The following ITPR1 variants were observed in gnomAD, a reference collection of about 807,000 sequenced individuals.
ITPR1 encodes the protein inositol 1,4,5-trisphosphate-gated calcium channel ITPR1.
A neutral mutation model predicts 318.4 loss-of-function variants in ITPR1; 96 were observed. The observed-to-expected ratio is 0.30, with a 90% CI of 0.26 to 0.36. The LOEUF (loss-of-function observed/expected upper bound fraction) is 0.36, where lower values mean the gene tolerates loss of function less well. ITPR1 is among the 10% of genes least tolerant of loss of function. The pLI, the probability that ITPR1 is intolerant of heterozygous loss-of-function variation, is 1.00. For missense variants in ITPR1, 2,440 were observed against 3,460.2 expected (o/e 0.71, Z 7.40); for synonymous variants, 1,312 against 1,289.9 (o/e 1.02, Z -0.37).
At chr3:4,728,563 C>T (rs563806155) in intron 42 of ITPR1, among the ~76,000 whole-genome samples, 2 of 152,304 alleles carry the variant, frequency 1.3e-5, no homozygotes, top group East Asian at 1.9e-4. Flanking sequence ...GTATCCATCC[C>T]CTCAAGCATT....
chr3:4,501,024 A>G (rs77849865), intron 2 of ITPR1, among the ~76,000 whole-genome samples: 1 of 92,742 alleles, frequency 1.1e-5, no homozygotes, highest in Non-Finnish European at 2.3e-5. Context: ...TGGCTAATTT[A>G]AAAAAAAAAT....
At chr3:4,656,837 G>C (rs1340717743) in intron 12 of ITPR1, among the ~76,000 whole-genome samples, 1 of 152,208 alleles carries the variant, frequency 6.6e-6, no homozygotes. Flanking sequence ...ATAGATGCAG[G>C]TGGAGGCTGT....
At chr3:4,602,696 C>T (rs1025907347) in intron 4 of ITPR1, among the ~76,000 whole-genome samples, 3 of 152,194 alleles carry the variant, frequency 2.0e-5, no homozygotes, top group Admixed American at 6.5e-5. Context: ...AATGAAGTGC[C>T]AGTACCTGCT....
Position 4,847,160 on chromosome 3 carries a change from T to C in ITPR1, c.*935T>C, listed in dbSNP as rs530817866. 2 of 152,746 alleles carry C rather than the reference T, an allele frequency of 1.3e-5. No homozygotes were observed. The highest frequency in any genetic ancestry group is 2.4e-5 in the African/African-American group (1 of 41,584). The allele number at this position is 152,746 out of a possible 1,614,324, so 9.5% of individuals were successfully genotyped here. On this transcript the variant is annotated 3_prime_UTR_variant, in exon 62 of 62. Coordinates refer to ENST00000649015, the MANE Select transcript of ITPR1 (RefSeq NM_001378452.1). The stretch of plus-strand genomic sequence containing the variant: ...TTTTTCTTCATCTGAACCAACATGC[T>C]ACAGTAGCTAAGAAGTATTAAAACT...
At position 4,777,303 on chromosome 3, in the gene ITPR1, A is replaced by G; in HGVS notation, c.6220A>G (p.Ile2074Val). 6.2e-7 allele frequency: 1 copy of G among 1,607,692 alleles called. No individual in the cohort carries two copies. Among genetic ancestry groups the G allele is most frequent in the Non-Finnish European group, 8.5e-7 (1 of 1,176,884 alleles). The change falls in exon 48 of 62, where the codon ATC becomes GTC. Residue 2074 changes from isoleucine (I) to valine (V), a missense_variant. Ile to Val is a conservative substitution (Grantham distance 29). This residue lies in a region of ITPR1 where 76 missense variants were observed against 162.1 expected (regional missense o/e 0.47). Transcript: ENST00000649015. Reference sequence around the variant, plus strand: ...CCATGAATCCAATGGCATTGACATCATCACAGCCCTGATCCTCAATGATAT... The same window carrying G: ...CCATGAATCCAATGGCATTGACATCGTCACAGCCCTGATCCTCAATGATAT... ...ATHESNGIDI[I>V]TALILNDINP... is the part of the protein sequence containing the mutation.
At chr3:4,662,692 C>T (rs2093861048) in intron 15 of ITPR1, among the ~76,000 whole-genome samples, 1 of 152,186 alleles carries the variant, frequency 6.6e-6, no homozygotes, top group South Asian at 2.1e-4. Flanking sequence ...CACTGCACTT[C>T]AGCCTGGGTG....
intron 55 of ITPR1, among the ~76,000 whole-genome samples, chr3:4,808,394 G>C (rs1055012092): frequency 2.6e-5 from 4 of 151,624 alleles, no homozygotes; most frequent in African/African-American, 9.8e-5. Context: ...AAAAGTCCTT[G>C]CATCAGTGAA....
intron 13 of ITPR1, 113 bp downstream of exon 13, chr3:4,658,391 A>G: frequency 7.4e-6 from 7 of 948,598 alleles, no homozygotes; most frequent in Non-Finnish European, 1.1e-5. Flanking sequence ...TTTATAAAGG[A>G]TTTGGTGAAA....
At chr3:4,804,343 T>A (rs1575315272) in intron 54 of ITPR1, among the ~76,000 whole-genome samples, 1 of 152,154 alleles carries the variant, frequency 6.6e-6, no homozygotes, top group East Asian at 1.9e-4. Context: ...GGGAGACTTG[T>A]CACGCCGCAG....
chr3:4,817,909 G>A (rs545681056), intron 59 of ITPR1, among the ~76,000 whole-genome samples, 173 bp from the exon 60 acceptor site: 1 of 152,286 alleles, frequency 6.6e-6, no homozygotes, highest in African/African-American at 2.4e-5. Flanking sequence ...CACAGCCTGT[G>A]TTTTCCTGCC....
In ITPR1 at chr3:4,550,674, G is replaced by T. The variant is rs1259350210; in HGVS notation, c.163+29580G>T. On this transcript the variant is annotated intron_variant, in intron 4 of 61. Transcript: ENST00000649015. Reference sequence around the variant, plus strand: ...GTAGGAGGACTGCTTGAAACTAGGGGTTTGAAACCAGCCTGGGCAACATAG... The same window carrying T: ...GTAGGAGGACTGCTTGAAACTAGGGTTTTGAAACCAGCCTGGGCAACATAG... Among the ~76,000 whole-genome samples, 3 of 152,074 alleles carry T rather than the reference G, an allele frequency of 2.0e-5. No homozygotes were observed. In the South Asian group the frequency reaches 6.2e-4, roughly 31 times the overall value.
intron 4 of ITPR1, among the ~76,000 whole-genome samples, chr3:4,609,650 A>C (rs1242514246): frequency 4.6e-5 from 7 of 152,052 alleles, no homozygotes; most frequent in Non-Finnish European, 1.0e-4. Flanking sequence ...CAACGTATTC[A>C]ATGGAGAACA....
chr3:4,606,706 A>G (rs2091730755), intron 4 of ITPR1, among the ~76,000 whole-genome samples: 2 of 152,174 alleles, frequency 1.3e-5, no homozygotes, highest in Admixed American at 6.5e-5. Context: ...TAGAGTAGCT[A>G]CCTGTGGAGA....
intron 51 of ITPR1, among the ~76,000 whole-genome samples, chr3:4,785,500 T>C (rs986907139): frequency 6.6e-6 from 1 of 152,214 alleles, no homozygotes; most frequent in Non-Finnish European, 1.5e-5. Flanking sequence ...ATGTCTCAGG[T>C]CTCTGGGCTA....
chr3:4,626,702 G>A (rs2092838097), intron 4 of ITPR1, among the ~76,000 whole-genome samples: 1 of 152,202 alleles, frequency 6.6e-6, no homozygotes, highest in African/African-American at 2.4e-5. Flanking sequence ...GAGGGGACAA[G>A]GGCACAGACT....
At chr3:4,587,271 GT>G (rs34690762) in intron 4 of ITPR1, among the ~76,000 whole-genome samples, 178 of 118,902 alleles carry the variant, frequency 1.5e-3, no homozygotes, top group African/African-American at 3.9e-3. Flanking sequence ...ACTTCTCATG[GT>G]TTTTTTTTTT....
chr3:4,524,280 T>A (rs1401441706), intron 4 of ITPR1, among the ~76,000 whole-genome samples: 4 of 143,474 alleles, frequency 2.8e-5, no homozygotes, highest in African/African-American at 5.0e-5. Flanking sequence ...TTCCTTCAAC[T>A]GCGGTGCAGC....
intron 2 of ITPR1, among the ~76,000 whole-genome samples, chr3:4,506,468 C>G (rs1411810519): frequency 6.6e-6 from 1 of 152,118 alleles, no homozygotes; most frequent in Non-Finnish European, 1.5e-5. Flanking sequence ...TCTGACCAGC[C>G]AAAATTGCAT....
rs574651808 is a variant in ITPR1, at chr3:4,660,914, T to A, written c.1152-74T>A. 8.4e-4 allele frequency: 589 copies of A among 697,384 alleles called. 2 individuals are homozygous for A. The highest frequency in any genetic ancestry group is 1.3e-3 in the Non-Finnish European group (537 of 428,998). 43.2% of individuals were successfully genotyped at this position (697,384 alleles called of 1,614,324 possible). ...CTTTGCTATTTCTATTTTGATAGAT[T>A]ATATTCTAGACTAGGGGCTATAGAG... On this transcript the variant is annotated intron_variant, in intron 13 of 61. Transcript: ENST00000649015.
Sources: gnomAD v4.1 joint callset for allele counts (sites outside exome capture counted in the v4.1 genomes callset) on GRCh38, gnomAD v4.1.1 for gene constraint, gnomAD v4.1.1 regional missense constraint, MANE v1.5 for transcripts, NCBI Gene and HGNC (gene_info 2026-07-23, HGNC 2026-07-21) for gene names.